Variants in LYZL4 observed in about 807,000 individuals in gnomAD.
The protein encoded by LYZL4 is lysozyme-like protein 4.
LYZL4 carries 13 observed loss-of-function variants against 17.6 expected under a neutral mutation model. The ratio of observed to expected loss-of-function variants is 0.74; its 90% confidence interval spans 0.48 to 1.18. The LOEUF is 1.18. Ranked by LOEUF, LYZL4 falls within the 50% of genes most tolerant of loss-of-function variation. LYZL4 has a pLI of 0.00. For missense variants in LYZL4, 174 were observed against 188.2 expected (o/e 0.92, Z 0.44); for synonymous variants, 64 against 67.7 (o/e 0.95, Z 0.27).
At chr3:42,404,189 G>T in intron 3 of LYZL4, 65 bp from the exon 4 acceptor site, 1 of 1,048,488 alleles carries the variant, frequency 9.5e-7, no homozygotes, top group South Asian at 1.3e-5. Context: ...AGTGATGTCA[G>T]GGAAGGTACA....
chr3:42,371,288 T>C, the LYZL4 span, among the ~76,000 whole-genome samples: 12 of 152,212 alleles, frequency 7.9e-5, no homozygotes, highest in Admixed American at 2.6e-4. Context: ...TCCCAAATCT[T>C]TTTCAATGTC....
the LYZL4 span, among the ~76,000 whole-genome samples, chr3:42,382,473 T>A: frequency 6.6e-6 from 1 of 152,112 alleles, no homozygotes; most frequent in Non-Finnish European, 1.5e-5. Context: ...AAAATATTAT[T>A]GCTATTATTG....
the LYZL4 span, among the ~76,000 whole-genome samples, chr3:42,387,456 T>C: frequency 6.6e-6 from 1 of 152,130 alleles, no homozygotes; most frequent in Admixed American, 6.5e-5. Flanking sequence ...CAGTTTGACT[T>C]CTGTGAAGGC....
the LYZL4 span, among the ~76,000 whole-genome samples, chr3:42,375,480 G>A: frequency 6.6e-6 from 1 of 152,204 alleles, no homozygotes; most frequent in East Asian, 1.9e-4. Context: ...ATTCTTTTAA[G>A]TATTCTGTTC....
chr3:42,381,602 T>A, the LYZL4 span, among the ~76,000 whole-genome samples: 2 of 152,174 alleles, frequency 1.3e-5, no homozygotes, highest in Non-Finnish European at 2.9e-5. Flanking sequence ...GGTAATAAAT[T>A]GGAATGTTCT....
At chr3:42,385,325 T>C in the LYZL4 span, among the ~76,000 whole-genome samples, 1 of 152,200 alleles carries the variant, frequency 6.6e-6, no homozygotes, top group East Asian at 1.9e-4. Context: ...TTCTGTACCT[T>C]TTCTATGTTT....
the LYZL4 span, among the ~76,000 whole-genome samples, chr3:42,362,039 C>T: frequency 6.6e-6 from 1 of 152,114 alleles, no homozygotes; most frequent in Non-Finnish European, 1.5e-5. Flanking sequence ...TCACAAGAGC[C>T]AGTTGGCACG....
chr3:42,372,088 A>T, the LYZL4 span, among the ~76,000 whole-genome samples: 5 of 152,208 alleles, frequency 3.3e-5, no homozygotes, highest in African/African-American at 7.2e-5. Context: ...ACTTCTGGTG[A>T]TAATTGGTGT....
At chr3:42,362,963 T>A in the LYZL4 span, among the ~76,000 whole-genome samples, 3 of 152,288 alleles carry the variant, frequency 2.0e-5, no homozygotes, top group South Asian at 6.2e-4. Flanking sequence ...GGAAACAGCA[T>A]TACCCAGAAT....
chr3:42,380,404 A>C, the LYZL4 span, among the ~76,000 whole-genome samples: 3 of 152,230 alleles, frequency 2.0e-5, no homozygotes, highest in Non-Finnish European at 4.4e-5. Flanking sequence ...TGGAGTAAAT[A>C]AAACGTTGGA....
the LYZL4 span, among the ~76,000 whole-genome samples, chr3:42,370,887 C>A: frequency 3.9e-5 from 6 of 152,200 alleles, no homozygotes; most frequent in Non-Finnish European, 8.8e-5. Context: ...GAATTCAGAA[C>A]CTTCCTCATA....
the LYZL4 span, among the ~76,000 whole-genome samples, chr3:42,376,654 C>T: frequency 6.6e-6 from 1 of 152,164 alleles, no homozygotes; most frequent in Admixed American, 6.5e-5. Context: ...TTTCCTCTGG[C>T]GGGGGCGGAT....
At chr3:42,384,546 T>C in the LYZL4 span, among the ~76,000 whole-genome samples, 40 of 152,170 alleles carry the variant, frequency 2.6e-4, no homozygotes, top group East Asian at 7.7e-4. Flanking sequence ...CTGAACATCC[T>C]GAGAGGAGAA....
At chr3:42,392,950 G>T (rs1445939094), downstream of LYZL4, among the ~76,000 whole-genome samples, 1 of 152,184 alleles carries the variant, frequency 6.6e-6, no homozygotes, top group Admixed American at 6.5e-5. Flanking sequence ...GAACCAAGAT[G>T]CCAGGGTGCT....
the LYZL4 span, among the ~76,000 whole-genome samples, chr3:42,363,314 G>A: frequency 6.6e-6 from 1 of 152,270 alleles, no homozygotes; most frequent in Admixed American, 6.5e-5. Context: ...TGACATTAGG[G>A]ATTAATGTTA....
chr3:42,387,641 G>T, the LYZL4 span, among the ~76,000 whole-genome samples: 1 of 152,084 alleles, frequency 6.6e-6, no homozygotes, highest in African/African-American at 2.4e-5. Flanking sequence ...TTTTAGACAG[G>T]TGTGCAGGGT....
At chr3:42,373,059 A>T in the LYZL4 span, among the ~76,000 whole-genome samples, 6 of 152,022 alleles carry the variant, frequency 3.9e-5, no homozygotes, top group Non-Finnish European at 7.4e-5. Context: ...CCAAAAAAAA[A>T]TTTTAGCAGG....
rs761443035 is a variant in LYZL4, at chr3:42,397,352, C to T, written c.372-18G>A. 2.1e-5 allele frequency: 32 copies of T among 1,547,952 alleles called. No homozygotes were observed. Among genetic ancestry groups the T allele is most frequent in the Non-Finnish European group, 1.8e-5 (21 of 1,139,482 alleles). On this transcript the variant is annotated intron_variant, in intron 4 of 4. Coordinates refer to ENST00000287748, the MANE Select transcript of LYZL4 (RefSeq NM_144634.4). ...AGGTGGGCCTGTGGAGAGAAGTGAA[C>T]AGGAAGGGCTCCTCAAAGTCAGAAC...
At chr3:42,403,702 A>G (rs1179545854) in intron 4 of LYZL4, among the ~76,000 whole-genome samples, 2 of 152,214 alleles carry the variant, frequency 1.3e-5, no homozygotes, top group African/African-American at 4.8e-5. Context: ...ATGCATCAAG[A>G]ACCTTAAACG....
Sources: gnomAD v4.1 joint callset for allele counts (sites outside exome capture counted in the v4.1 genomes callset) on GRCh38, gnomAD v4.1.1 for gene constraint, MANE v1.5 for transcripts, NCBI Gene and HGNC (gene_info 2026-07-23, HGNC 2026-07-21) for gene names.